Variants in COMMD1 observed in about 807,000 individuals in gnomAD.
COMMD1 encodes COMM domain-containing protein 1.
In COMMD1, 10 loss-of-function variants were observed where a neutral mutation model predicts 17.2. That is an observed-to-expected ratio of 0.58 (90% CI 0.36 to 0.99). The LOEUF (loss-of-function observed/expected upper bound fraction) is 0.99. Ranked by LOEUF, COMMD1 falls within the 50% of genes least tolerant of loss-of-function variation. The pLI is 0.01. For synonymous variants in COMMD1, 97 were observed against 91.6 expected, an observed-to-expected ratio of 1.06 and a Z score of -0.34; for missense variants, 270 against 231.8, an observed-to-expected ratio of 1.17 and a Z score of -1.07.
chr2:62,041,735 C>T (rs964473833), intron 2 of COMMD1, among the ~76,000 whole-genome samples: 1 of 152,130 alleles, frequency 6.6e-6, no homozygotes, highest in Non-Finnish European at 1.5e-5. Context: ...GTGAGTGTTA[C>T]AGTTCTTAAA....
chr2:62,089,110 A>G (rs912896455), intron 2 of COMMD1, among the ~76,000 whole-genome samples: 1 of 152,162 alleles, frequency 6.6e-6, no homozygotes, highest in Non-Finnish European at 1.5e-5. Flanking sequence ...CTTAGAGACA[A>G]TAGATGACAA....
At chr2:61,989,774 CT>C (rs1227673809) in intron 1 of COMMD1, among the ~76,000 whole-genome samples, 1 of 152,132 alleles carries the variant, frequency 6.6e-6, no homozygotes, top group Non-Finnish European at 1.5e-5. Flanking sequence ...AACTATTGAT[CT>C]TTTCACTGTA....
In COMMD1 at chr2:61,892,571, G is replaced by C. The variant is rs183385734; in HGVS notation, n.119+3729G>C. On this transcript the variant is annotated intron_variant and non_coding_transcript_variant, in intron 1 of 2. Transcript: ENST00000472729. Reference sequence around the variant, plus strand: ...TAGCCCGGTGTTGTGGCATGCACCTGTATTCCCAGCTACTGGGGAGGCTGA... The same window carrying C: ...TAGCCCGGTGTTGTGGCATGCACCTCTATTCCCAGCTACTGGGGAGGCTGA... 6.0e-4 allele frequency among the ~76,000 whole-genome samples: 91 copies of C among 152,028 alleles called. 1 individual carries two copies. The East Asian group carries it at 0.011, about 19-fold the overall frequency.
At chr2:62,027,485 C>T (rs565576280) in intron 2 of COMMD1, among the ~76,000 whole-genome samples, 1 of 152,278 alleles carries the variant, frequency 6.6e-6, no homozygotes, top group South Asian at 2.1e-4. Flanking sequence ...GTAAAAGTTA[C>T]TGGCAACACT....
rs184166613 is a variant in COMMD1 at position 62,053,541 on chromosome 2, C to T, written c.462+52559C>T. 2.7e-3 allele frequency among the ~76,000 whole-genome samples: 416 copies of T among 152,244 alleles called. 4 individuals are homozygous for T. Among genetic ancestry groups the T allele is most frequent in the African/African-American group, 9.7e-3 (405 of 41,556 alleles). ...GAAAAAAGAATGAAGAGAGCCAGTT[C>T]CTTCTTCTGAGGTGTTCAGATGAGC... On this transcript the variant is annotated intron_variant, in intron 2 of 2. Coordinates refer to ENST00000311832, the MANE Select transcript of COMMD1 (RefSeq NM_152516.4).
chr2:62,100,092 C>T (rs1179253290), intron 2 of COMMD1: 2 of 151,728 alleles, frequency 1.3e-5, no homozygotes, highest in Non-Finnish European at 2.9e-5. Context: ...TAACCAACTT[C>T]CTAGGAGAAA....
At chr2:61,924,352 G>A (rs2105198060) in intron 1 of COMMD1, among the ~76,000 whole-genome samples, 1 of 151,068 alleles carries the variant, frequency 6.6e-6, no homozygotes, top group East Asian at 2.0e-4. Context: ...AGTAAGGGGT[G>A]GTGGTAGGGA....
chr2:61,904,992 G>T (rs944760987), upstream of COMMD1, among the ~76,000 whole-genome samples: 2 of 152,066 alleles, frequency 1.3e-5, no homozygotes, highest in African/African-American at 4.8e-5. Context: ...TCTCATTCAC[G>T]TTGTAGCATG....
At chr2:62,024,295 T>C (rs774750431) in intron 2 of COMMD1, among the ~76,000 whole-genome samples, 1 of 152,064 alleles carries the variant, frequency 6.6e-6, no homozygotes, top group Non-Finnish European at 1.5e-5. Flanking sequence ...CAGCTCACTG[T>C]AACCTCTGCC....
chr2:61,986,503 C>A (rs1672108503), intron 1 of COMMD1, among the ~76,000 whole-genome samples: 1 of 149,998 alleles, frequency 6.7e-6, no homozygotes, highest in Non-Finnish European at 1.5e-5. Flanking sequence ...ATCTTTAAGG[C>A]CAATAACTCT....
At chr2:62,048,182 CTTTTT>C (rs67195629) in intron 2 of COMMD1, among the ~76,000 whole-genome samples, 3 of 127,246 alleles carry the variant, frequency 2.4e-5, no homozygotes, top group Admixed American at 8.2e-5. Flanking sequence ...AACTAAATTT[CTTTTT>C]TTTTTTTTTT....
At chr2:61,998,744 G>A (rs1181231404) in intron 1 of COMMD1, among the ~76,000 whole-genome samples, 1 of 152,198 alleles carries the variant, frequency 6.6e-6, no homozygotes, top group African/African-American at 2.4e-5. Context: ...AGATATGTGT[G>A]ACTTTTTCAC....
intron 2 of COMMD1, among the ~76,000 whole-genome samples, chr2:62,117,338 C>T (rs1672636009): frequency 6.6e-6 from 1 of 152,230 alleles, no homozygotes; most frequent in Admixed American, 6.5e-5. Context: ...GAGTGTTAGA[C>T]TGGCAACACC....
At chr2:62,130,670 G>A (rs1278297757) in intron 2 of COMMD1, among the ~76,000 whole-genome samples, 1 of 152,128 alleles carries the variant, frequency 6.6e-6, no homozygotes. Context: ...ATTTTATGTT[G>A]AATTTGTTCT....
At chr2:62,068,466 ATAAAT>A (rs1671113970) in intron 2 of COMMD1, among the ~76,000 whole-genome samples, 1 of 152,208 alleles carries the variant, frequency 6.6e-6, no homozygotes, top group African/African-American at 2.4e-5. Context: ...AAGAAAAGTA[ATAAAT>A]TAGACTTCAT....
At chr2:61,890,565 G>A (rs923788830) in intron 1 of COMMD1, among the ~76,000 whole-genome samples, 3 of 152,174 alleles carry the variant, frequency 2.0e-5, no homozygotes, top group Admixed American at 1.3e-4. Flanking sequence ...TAGGGGCCTG[G>A]CTCAGTAGCT....
chr2:61,986,632 G>A (rs1430722888), intron 1 of COMMD1, among the ~76,000 whole-genome samples: 1 of 141,780 alleles, frequency 7.1e-6, no homozygotes, highest in Admixed American at 7.4e-5. Context: ...GCAGTGGCAT[G>A]ATCTCAGCTT....
intron 2 of COMMD1, among the ~76,000 whole-genome samples, chr2:62,028,150 C>T (rs1017229444): frequency 1.3e-5 from 2 of 152,164 alleles, no homozygotes; most frequent in African/African-American, 4.8e-5. Context: ...GAGATTTCTG[C>T]TACCCAGCTG....
At chr2:61,952,240 C>T (rs548040190) in intron 1 of COMMD1, among the ~76,000 whole-genome samples, 22 of 152,220 alleles carry the variant, frequency 1.4e-4, no homozygotes, top group Non-Finnish European at 2.8e-4. Flanking sequence ...TGTTCAGGGA[C>T]CGAAAACCAC....
Sources: allele counts gnomAD v4.1 joint callset (sites outside exome capture counted in the v4.1 genomes callset), GRCh38; gene constraint gnomAD v4.1.1; transcripts MANE v1.5; gene names NCBI Gene and HGNC (gene_info 2026-07-23, HGNC 2026-07-21).